Variants in SUMF1 observed in about 807,000 individuals in gnomAD.
SUMF1 encodes the protein sulfatase modifying factor 1.
Under a neutral mutation model 47.6 loss-of-function variants are expected in SUMF1, and 48 were observed. That is an observed-to-expected ratio of 1.01 (90% CI 0.80 to 1.28). The LOEUF is 1.28. Among genes scored for constraint, SUMF1 ranks in the 50% most tolerant of loss-of-function variants. The probability of loss-of-function intolerance (pLI) is 0.00; values close to 1 mark genes in which losing one functional copy is unlikely to be tolerated. For missense variants in SUMF1, 571 were observed against 485.4 expected, an observed-to-expected ratio of 1.18 and a Z score of -1.66; for synonymous variants, 230 against 192.1, an observed-to-expected ratio of 1.20 and a Z score of -1.63.
At chr3:4,035,009 A>G (rs1303514303) in intron 9 of SUMF1, among the ~76,000 whole-genome samples, 2 of 151,910 alleles carry the variant, frequency 1.3e-5, no homozygotes, top group Non-Finnish European at 2.9e-5. Context: ...GGCCTATGCT[A>G]TGGTGGAAGA....
chr3:4,399,372 C>T (rs1026827805), intron 7 of SUMF1, among the ~76,000 whole-genome samples: 6 of 152,040 alleles, frequency 3.9e-5, no homozygotes, highest in Non-Finnish European at 8.8e-5. Flanking sequence ...TTTAAGTTGA[C>T]GGAGACCACT....
At chr3:4,240,492 G>A (rs1559601553) in intron 8 of SUMF1, among the ~76,000 whole-genome samples, 2 of 140,438 alleles carry the variant, frequency 1.4e-5, no homozygotes, top group Admixed American at 7.3e-5. Flanking sequence ...ATTTTATTTT[G>A]TTTTCAATTG....
At chr3:4,409,387 G>T (rs961173501) in intron 7 of SUMF1, among the ~76,000 whole-genome samples, 23 of 152,222 alleles carry the variant, frequency 1.5e-4, no homozygotes, top group African/African-American at 5.5e-4. Context: ...ATAAAGCCTG[G>T]GATTGGTGAA....
Position 4,285,591 on chromosome 3 carries a change from T to C in SUMF1, c.1014+90739A>G, listed in dbSNP as rs145440250. Reference sequence around the variant, plus strand: ...TGTAATATTAACAATTCTTCTCTAGTACTTAGTACTTTCTTCCATATATTC... The same window carrying C: ...TGTAATATTAACAATTCTTCTCTAGCACTTAGTACTTTCTTCCATATATTC... On this transcript the variant is annotated intron_variant and NMD_transcript_variant, in intron 8 of 12. Transcript: ENST00000448413. 5.5e-3 allele frequency among the ~76,000 whole-genome samples: 837 copies of C among 152,280 alleles called. 4 individuals are homozygous for C. The highest frequency in any genetic ancestry group is 0.021 in the Middle Eastern group (6 of 292).
intron 8 of SUMF1, among the ~76,000 whole-genome samples, chr3:4,350,025 G>A (rs1388968412): frequency 1.3e-5 from 2 of 149,482 alleles, no homozygotes; most frequent in Non-Finnish European, 3.0e-5. Flanking sequence ...TTCTGAGATG[G>A]AGTCTCGCTC....
chr3:4,173,696 G>T (rs1694884699), intron 8 of SUMF1, among the ~76,000 whole-genome samples: 1 of 152,134 alleles, frequency 6.6e-6, no homozygotes. Flanking sequence ...ATACTATGCA[G>T]CCATAAGAAA....
At chr3:4,206,695 T>C (rs1032858725) in intron 8 of SUMF1, among the ~76,000 whole-genome samples, 4 of 152,156 alleles carry the variant, frequency 2.6e-5, no homozygotes, top group Non-Finnish European at 5.9e-5. Flanking sequence ...TTGGTTCTCA[T>C]GGGGGTGCTT....
chr3:4,337,168 C>G (rs1699169492), intron 8 of SUMF1, among the ~76,000 whole-genome samples: 1 of 152,058 alleles, frequency 6.6e-6, no homozygotes, highest in Non-Finnish European at 1.5e-5. Context: ...TGTTCTATTT[C>G]TCTGTCTCTT....
At chr3:4,391,861 T>C (rs987588343) in intron 7 of SUMF1, among the ~76,000 whole-genome samples, 1 of 151,386 alleles carries the variant, frequency 6.6e-6, no homozygotes, top group Non-Finnish European at 1.5e-5. Flanking sequence ...AGAGTCTTGC[T>C]CTGTCACACA....
chr3:4,237,950 G>A (rs1477216780), intron 8 of SUMF1, among the ~76,000 whole-genome samples: 1 of 151,814 alleles, frequency 6.6e-6, no homozygotes, highest in Non-Finnish European at 1.5e-5. Context: ...CCCCCAACAG[G>A]CCCCAGTGTG....
chr3:4,156,138 G>A (rs1314105900), intron 8 of SUMF1, among the ~76,000 whole-genome samples: 2 of 151,540 alleles, frequency 1.3e-5, no homozygotes, highest in African/African-American at 2.4e-5. Flanking sequence ...GCCTGGTCCT[G>A]TACATCTGAC....
intron 8 of SUMF1, among the ~76,000 whole-genome samples, chr3:4,094,957 A>G (rs1349745815): frequency 6.6e-6 from 1 of 152,120 alleles, no homozygotes; most frequent in East Asian, 1.9e-4. Flanking sequence ...TGTTCTACAG[A>G]ACACACTTCA....
At chr3:4,319,988 A>C (rs1698790635) in intron 8 of SUMF1, among the ~76,000 whole-genome samples, 1 of 152,186 alleles carries the variant, frequency 6.6e-6, no homozygotes, top group Admixed American at 6.5e-5. Flanking sequence ...TGGTTGCCAG[A>C]GTTTGAGGAG....
chr3:4,295,280 A>G (rs1216253190), intron 8 of SUMF1, among the ~76,000 whole-genome samples: 2 of 152,094 alleles, frequency 1.3e-5, no homozygotes, highest in Non-Finnish European at 2.9e-5. Flanking sequence ...TATAGTCTCT[A>G]AGAAGGATTC....
chr3:4,308,847 C>T (rs60625167), intron 8 of SUMF1, among the ~76,000 whole-genome samples: 1,999 of 124,872 alleles, frequency 0.016, 48 homozygotes, highest in African/African-American at 0.051. Context: ...GAGTCAAACT[C>T]TGCAAAATAT....
intron 8 of SUMF1, among the ~76,000 whole-genome samples, chr3:4,335,857 G>A (rs975417115): frequency 6.7e-6 from 1 of 150,084 alleles, no homozygotes; most frequent in African/African-American, 2.5e-5. Context: ...CTACTCAGGA[G>A]GCTGAGGCAG....
chr3:4,440,667 G>T (rs1702555996), intron 3 of SUMF1, among the ~76,000 whole-genome samples: 1 of 152,130 alleles, frequency 6.6e-6, no homozygotes, highest in African/African-American at 2.4e-5. Context: ...TTACTGCAGG[G>T]GGAAAAAAGA....
At chr3:4,057,256 G>A (rs371690646) in intron 9 of SUMF1, among the ~76,000 whole-genome samples, 21 of 152,118 alleles carry the variant, frequency 1.4e-4, no homozygotes, top group African/African-American at 4.3e-4. Flanking sequence ...AATGAGCAAG[G>A]AGTCTGATGG....
At chr3:4,035,803 G>A (rs1490169933) in intron 9 of SUMF1, among the ~76,000 whole-genome samples, 1 of 152,184 alleles carries the variant, frequency 6.6e-6, no homozygotes, top group African/African-American at 2.4e-5. Flanking sequence ...TTCTAAGATA[G>A]TAGGTGTCTG....
Sources: allele counts gnomAD v4.1 joint callset (sites outside exome capture counted in the v4.1 genomes callset), GRCh38; gene constraint gnomAD v4.1.1; transcripts MANE v1.5; gene names NCBI Gene and HGNC (gene_info 2026-07-23, HGNC 2026-07-21).